The following PDE11A variants were observed in gnomAD, a reference collection of about 807,000 sequenced individuals.
The protein encoded by PDE11A is phosphodiesterase 11A.
In PDE11A, 100 loss-of-function variants were observed where a neutral mutation model predicts 100.5. That is an observed-to-expected ratio of 1.00 (90% CI 0.85 to 1.18). The LOEUF is 1.18. Ranked by LOEUF, PDE11A falls within the 50% of genes most tolerant of loss-of-function variation. The probability of loss-of-function intolerance (pLI) is 0.00; values close to 1 mark genes in which losing one functional copy is unlikely to be tolerated. For missense variants in PDE11A, 1,141 were observed against 1,152.6 expected (o/e 0.99, Z 0.15); for synonymous variants, 381 against 420.8 (o/e 0.91, Z 1.16).
intron 2 of PDE11A, among the ~76,000 whole-genome samples, chr2:177,952,065 G>A (rs1243575472): frequency 2.0e-5 from 3 of 151,664 alleles, no homozygotes; most frequent in Admixed American, 6.6e-5. Context: ...CTCACCTCCT[G>A]CCACTTCTCA....
intron 12 of PDE11A, among the ~76,000 whole-genome samples, chr2:177,724,133 A>C (rs984165949): frequency 6.6e-6 from 1 of 152,136 alleles, no homozygotes; most frequent in African/African-American, 2.4e-5. Flanking sequence ...AGAGGAATTC[A>C]AAGTATTTGG....
intron 9 of PDE11A, among the ~76,000 whole-genome samples, chr2:177,795,412 CA>C (rs2082691963): frequency 6.6e-6 from 1 of 152,188 alleles, no homozygotes; most frequent in Non-Finnish European, 1.5e-5. Context: ...TGTTTGCTTC[CA>C]TTCCAAGAGC....
chr2:178,022,062 A>C (rs1362615956), intron 1 of PDE11A, among the ~76,000 whole-genome samples: 1 of 152,104 alleles, frequency 6.6e-6, no homozygotes, highest in Non-Finnish European at 1.5e-5. Flanking sequence ...GATATGACTG[A>C]GTCTTCATTT....
intron 9 of PDE11A, among the ~76,000 whole-genome samples, chr2:177,784,628 T>C (rs916420807): frequency 6.6e-6 from 1 of 152,220 alleles, no homozygotes; most frequent in African/African-American, 2.4e-5. Context: ...GTCACTTTAC[T>C]GCTGGCTTTC....
At chr2:177,631,411 G>A (rs2079922341) in intron 19 of PDE11A, among the ~76,000 whole-genome samples, 2 of 135,982 alleles carry the variant, frequency 1.5e-5, no homozygotes, top group East Asian at 4.5e-4. Context: ...AACCCAGGAG[G>A]CAGAAGTTGC....
At chr2:177,802,948 A>G (rs1236966435) in intron 9 of PDE11A, among the ~76,000 whole-genome samples, 1 of 151,980 alleles carries the variant, frequency 6.6e-6, no homozygotes, top group East Asian at 1.9e-4. Context: ...AATCTACAAT[A>G]CATGAACAAA....
At chr2:177,701,388 A>G (rs2081194821) in intron 13 of PDE11A, among the ~76,000 whole-genome samples, 177 bp from the exon 14 acceptor site, 2 of 152,168 alleles carry the variant, frequency 1.3e-5, no homozygotes, top group South Asian at 4.1e-4. Context: ...CTTTCTATAT[A>G]TAAGAAAGTT....
intron 3 of PDE11A, among the ~76,000 whole-genome samples, chr2:177,903,490 T>C (rs2084730884): frequency 1.3e-5 from 2 of 152,216 alleles, no homozygotes; most frequent in South Asian, 2.1e-4. Flanking sequence ...ATAGACAGCA[T>C]GTGAAGGGAA....
At chr2:178,055,613 A>G (rs1406389888) in intron 1 of PDE11A, among the ~76,000 whole-genome samples, 1 of 152,194 alleles carries the variant, frequency 6.6e-6, no homozygotes, top group Non-Finnish European at 1.5e-5. Flanking sequence ...GAATTTCTAC[A>G]AAGAGAAAAT....
rs556257826 is a variant in PDE11A at position 177,672,499 on chromosome 2, A to C, written c.2488-2932T>G. Among the ~76,000 whole-genome samples the C allele has an allele frequency of 1.6e-3, 245 of 152,316 alleles. 2 individuals carry two copies. Among genetic ancestry groups the C allele is most frequent in the Non-Finnish European group, 3.0e-3 (201 of 68,032 alleles). On this transcript the variant is annotated intron_variant, in intron 17 of 19. Transcript: ENST00000286063. ...AGAGAAAGACAGAAAAAGACCCTAA[A>C]ATATGTGTCATCAGCTTGGGGGCCA...
chr2:177,630,606 A>G (rs2079904517), intron 19 of PDE11A, among the ~76,000 whole-genome samples: 1 of 152,250 alleles, frequency 6.6e-6, no homozygotes, highest in South Asian at 2.1e-4. Context: ...TACTCTGCCC[A>G]ACAGGAAAAT....
At chr2:177,914,475 A>C (rs1482313384) in intron 2 of PDE11A, among the ~76,000 whole-genome samples, 3 of 152,184 alleles carry the variant, frequency 2.0e-5, no homozygotes, top group Non-Finnish European at 4.4e-5. Context: ...TTTTATAAGC[A>C]GGTTGACCTA....
rs115803200 is a variant in PDE11A, at chr2:177,908,894, C to A, written c.1072-3707G>T. Among the ~76,000 whole-genome samples, 1,098 of 152,228 alleles carry A rather than the reference C, an allele frequency of 7.2e-3. 13 individuals carry two copies. The highest frequency in any genetic ancestry group is 0.025 in the African/African-American group (1,022 of 41,510). ...AATTTAGAATTTGCAAATACTTTTTCCAAGTAGTATAAGCTATTCTTCATG... is the reference window on the plus strand; with the variant it reads ...AATTTAGAATTTGCAAATACTTTTTACAAGTAGTATAAGCTATTCTTCATG... On this transcript the variant is annotated intron_variant, in intron 2 of 19. Coordinates refer to ENST00000286063, the MANE Select transcript of PDE11A (RefSeq NM_016953.4).
At position 177,858,573 on chromosome 2, in the gene PDE11A, A is replaced by G. The variant is rs556370033; in HGVS notation, c.1367+17286T>C. ...ACCATCTCACACCAGTTAGAATGGC[A>G]ATCATTAAAAAGTCAGGAAACAACA... is the stretch of plus-strand genomic sequence containing the variant. On this transcript the variant is annotated intron_variant, in intron 5 of 19. Coordinates refer to ENST00000286063, the MANE Select transcript of PDE11A (RefSeq NM_016953.4). Among the ~76,000 whole-genome samples the G allele has an allele frequency of 7.2e-3, 1,099 of 152,140 alleles. 12 individuals carry two copies. Among genetic ancestry groups the G allele is most frequent in the African/African-American group, 0.024 (1,012 of 41,502 alleles).
intron 1 of PDE11A, among the ~76,000 whole-genome samples, chr2:178,056,839 G>C (rs1016301767): frequency 6.6e-6 from 1 of 152,026 alleles, no homozygotes; most frequent in Non-Finnish European, 1.5e-5. Context: ...TAGAAGGCAA[G>C]AAGAGGATTA....
chr2:177,636,293 C>A (rs1277528880), intron 19 of PDE11A, among the ~76,000 whole-genome samples: 1 of 152,156 alleles, frequency 6.6e-6, no homozygotes, highest in Non-Finnish European at 1.5e-5. Context: ...CTAATTTCTA[C>A]ACAGTACACT....
At chr2:178,024,796 A>T (rs1312678814) in intron 1 of PDE11A, among the ~76,000 whole-genome samples, 1 of 152,244 alleles carries the variant, frequency 6.6e-6, no homozygotes, top group Admixed American at 6.5e-5. Flanking sequence ...TACTCATTTA[A>T]TTCCAATTCA....
At chr2:178,052,910 T>G (rs1410400534) in intron 1 of PDE11A, among the ~76,000 whole-genome samples, 13 of 152,154 alleles carry the variant, frequency 8.5e-5, no homozygotes, top group Non-Finnish European at 2.9e-5. Flanking sequence ...ACCAGACGGA[T>G]TCACAGCCAA....
At chr2:177,710,372 G>A (rs2081342134) in intron 13 of PDE11A, among the ~76,000 whole-genome samples, 1 of 152,152 alleles carries the variant, frequency 6.6e-6, no homozygotes, top group Non-Finnish European at 1.5e-5. Flanking sequence ...GGGGGAGGCG[G>A]GGGAGCAGGA....
Sources: gnomAD v4.1 joint callset for allele counts (sites outside exome capture counted in the v4.1 genomes callset) on GRCh38, gnomAD v4.1.1 for gene constraint, MANE v1.5 for transcripts, NCBI Gene and HGNC (gene_info 2026-07-23, HGNC 2026-07-21) for gene names.